ASCC3: variants seen among roughly 807,000 people sequenced by gnomAD.
ASCC3 encodes activating signal cointegrator 1 complex subunit 3, also known as ASC-1 complex subunit P200.
Under a neutral mutation model 256.3 loss-of-function variants are expected in ASCC3, and 158 were observed. That is an observed-to-expected ratio of 0.62 (90% CI 0.54 to 0.70). ASCC3 has a LOEUF of 0.70. Among genes scored for constraint, ASCC3 ranks in the 30% least tolerant of loss-of-function variants. The pLI is 0.00. For synonymous variants in ASCC3, 948 were observed against 883.4 expected, an observed-to-expected ratio of 1.07 and a Z score of -1.30; for missense variants, 2,259 against 2,626.0, an observed-to-expected ratio of 0.86 and a Z score of 3.05.
chr6:100,693,041 C>T (rs1407980161), intron 13 of ASCC3, among the ~76,000 whole-genome samples: 6 of 151,772 alleles, frequency 4.0e-5, no homozygotes, highest in Non-Finnish European at 7.4e-5. Context: ...TATAACTCAA[C>T]AGTATTTTGG....
intron 4 of ASCC3, among the ~76,000 whole-genome samples, chr6:100,832,207 C>T (rs920643618): frequency 1.3e-5 from 2 of 151,978 alleles, no homozygotes. Flanking sequence ...CATGAATATT[C>T]AGAAAGAACG....
rs76464686 is a variant in ASCC3, at chr6:100,770,689, C to T, written c.1396-3344G>A. The stretch of plus-strand genomic sequence containing the variant: ...ACTAAAAAATTACATTTCTATATAC[C>T]GGCAATGAAATATCTGAAAGCAATT... On this transcript the variant is annotated intron_variant, in intron 8 of 41. Transcript: ENST00000369162. Among the ~76,000 whole-genome samples, 33 of 151,818 alleles carry T rather than the reference C, an allele frequency of 2.2e-4. No individual in the cohort carries two copies. In the East Asian group the frequency reaches 2.5e-3, roughly 12 times the overall value.
At chr6:100,541,293 TAAAAA>T (rs554667429) in intron 36 of ASCC3, among the ~76,000 whole-genome samples, 1 of 134,722 alleles carries the variant, frequency 7.4e-6, no homozygotes, top group East Asian at 2.1e-4. Context: ...TCCAAAAAAT[TAAAAA>T]AAAAAAAAAG....
intron 30 of ASCC3, among the ~76,000 whole-genome samples, chr6:100,616,865 GA>G (rs146982925): frequency 0.015 from 2,265 of 152,304 alleles, 42 homozygotes; most frequent in African/African-American, 0.052. Flanking sequence ...AAGAAACACA[GA>G]GGTGTTGAGG....
At chr6:100,717,695 T>C (rs1779147200) in intron 12 of ASCC3, among the ~76,000 whole-genome samples, 1 of 152,094 alleles carries the variant, frequency 6.6e-6, no homozygotes, top group Non-Finnish European at 1.5e-5. Context: ...ATTATTTCTA[T>C]TAAATGAATA....
At chr6:100,858,794 G>A (rs1773082979) in intron 3 of ASCC3, 1 of 717,574 alleles carries the variant, frequency 1.4e-6, no homozygotes, top group South Asian at 2.4e-5. Context: ...TCACACCTGA[G>A]ATCTAATATT....
At chr6:100,563,339 ATTC>A (rs1770053566) in intron 36 of ASCC3, among the ~76,000 whole-genome samples, 1 of 152,192 alleles carries the variant, frequency 6.6e-6, no homozygotes. Flanking sequence ...CTTGGCTTTA[ATTC>A]TTAATCTAGC....
chr6:100,764,159 C>T (rs1038440469), intron 10 of ASCC3, among the ~76,000 whole-genome samples: 1 of 152,170 alleles, frequency 6.6e-6, no homozygotes, highest in African/African-American at 2.4e-5. Context: ...AGGACAAGAG[C>T]AATCAAAATT....
At chr6:100,781,323 G>A (rs999129129) in intron 8 of ASCC3, among the ~76,000 whole-genome samples, 9 of 151,954 alleles carry the variant, frequency 5.9e-5, no homozygotes, top group Admixed American at 1.3e-4. Flanking sequence ...TGAAGTTGCC[G>A]CCTGTAAAAC....
At chr6:100,807,565 GC>G (rs1476326048) in intron 4 of ASCC3, among the ~76,000 whole-genome samples, 1 of 151,810 alleles carries the variant, frequency 6.6e-6, no homozygotes, top group East Asian at 1.9e-4. Context: ...TACTGATGGT[GC>G]AAAAGCAATG....
intron 36 of ASCC3, among the ~76,000 whole-genome samples, chr6:100,553,493 AT>A (rs371218849): frequency 1.3e-5 from 2 of 152,144 alleles, no homozygotes; most frequent in African/African-American, 4.8e-5. Context: ...AGTCCATTAT[AT>A]TTTTATGTGA....
intron 4 of ASCC3, among the ~76,000 whole-genome samples, chr6:100,841,243 A>G (rs846771): frequency 0.71 from 107,312 of 151,946 alleles, 38,128 homozygotes; most frequent in East Asian, 0.75. Context: ...TAGCCCTTCA[A>G]ATGAGTTCAG....
intron 20 of ASCC3, among the ~76,000 whole-genome samples, chr6:100,648,035 TTAA>T (rs1017792257): frequency 1.1e-4 from 16 of 152,212 alleles, no homozygotes; most frequent in African/African-American, 3.6e-4. Flanking sequence ...TTAATTGATA[TTAA>T]TATTATGATT....
chr6:100,809,360 T>G (rs904481821), intron 4 of ASCC3, among the ~76,000 whole-genome samples: 32 of 152,016 alleles, frequency 2.1e-4, no homozygotes, highest in Non-Finnish European at 4.0e-4. Context: ...TTTTCTATTT[T>G]TAAAATTTTT....
chr6:100,583,168 T>C (rs1003708972), intron 36 of ASCC3, among the ~76,000 whole-genome samples: 16 of 152,308 alleles, frequency 1.1e-4, no homozygotes, highest in African/African-American at 3.6e-4. Context: ...ATGGTACCAG[T>C]TCCTCCTTGT....
chr6:100,739,725 G>A (rs1246548439), intron 10 of ASCC3, among the ~76,000 whole-genome samples: 1 of 152,184 alleles, frequency 6.6e-6, no homozygotes, highest in East Asian at 1.9e-4. Context: ...TATGCGCATA[G>A]AGGTGTTTAT....
chr6:100,780,858 T>C (rs1562292300), intron 8 of ASCC3, among the ~76,000 whole-genome samples: 1 of 152,210 alleles, frequency 6.6e-6, no homozygotes, highest in Non-Finnish European at 1.5e-5. Flanking sequence ...ACATATTACA[T>C]TAGTGTCCCA....
At chr6:100,661,329 A>G (rs1776185633) in intron 16 of ASCC3, among the ~76,000 whole-genome samples, 1 of 147,686 alleles carries the variant, frequency 6.8e-6, no homozygotes, top group African/African-American at 2.4e-5. Flanking sequence ...AAAGTCACAC[A>G]CACACACACA....
chr6:100,838,439 T>C (rs891346784), intron 4 of ASCC3, among the ~76,000 whole-genome samples: 2 of 152,034 alleles, frequency 1.3e-5, no homozygotes, highest in Non-Finnish European at 2.9e-5. Flanking sequence ...AATAAGGTCA[T>C]AAATAACATA....
Sources: allele counts gnomAD v4.1 joint callset (sites outside exome capture counted in the v4.1 genomes callset), GRCh38; gene constraint gnomAD v4.1.1; transcripts MANE v1.5; gene names NCBI Gene and HGNC (gene_info 2026-07-23, HGNC 2026-07-21).